The following ZMYM5 variants were observed in gnomAD, a reference collection of about 807,000 sequenced individuals.
The protein encoded by ZMYM5 is zinc finger MYM-type protein 5.
In ZMYM5, 41 loss-of-function variants were observed where a neutral mutation model predicts 61.8. The observed-to-expected ratio is 0.66, with a 90% CI of 0.52 to 0.86. The LOEUF is 0.86. Ranked by LOEUF, ZMYM5 falls within the 40% of genes least tolerant of loss-of-function variation. The pLI is 0.00. For synonymous variants in ZMYM5, 257 were observed against 276.4 expected (o/e 0.93, Z 0.70); for missense variants, 706 against 786.7 (o/e 0.90, Z 1.23).
intron 7 of ZMYM5, among the ~76,000 whole-genome samples, chr13:19,830,382 T>G (rs569761490): frequency 6.6e-6 from 1 of 152,178 alleles, no homozygotes; most frequent in Non-Finnish European, 1.5e-5. Context: ...TTAATTAATT[T>G]ATTATTTTTT....
At chr13:19,856,877 CG>C (rs1953533291) in intron 2 of ZMYM5, among the ~76,000 whole-genome samples, 1 of 151,990 alleles carries the variant, frequency 6.6e-6, no homozygotes, top group Non-Finnish European at 1.5e-5. Context: ...GAGGCAGAGG[CG>C]GGCAGATCAT....
At position 19,852,187 on chromosome 13, in the gene ZMYM5, G is replaced by T; in HGVS notation, c.-7C>A. The T allele has an allele frequency of 6.4e-7, 1 of 1,567,936 alleles. No homozygotes were observed. Among genetic ancestry groups the T allele is most frequent in the Admixed American group, 2.0e-5 (1 of 49,580 alleles). ...CCACTGAACATTTTTCCATGCCAAT[G>T]AACCTGTAGAGACAGAAAAGAAAAA... On this transcript the variant is annotated 5_prime_UTR_variant, in exon 3 of 8. Transcript: ENST00000337963.
In ZMYM5 at chr13:19,825,209, T is replaced by C. The variant is rs564918367; in HGVS notation, c.1278A>G (p.Leu426=). The stretch of plus-strand genomic sequence containing the variant: ...TCCTTTTTCTATTTTCTGATGCTGT[T>C]AATTTTTTTGATTTTGTTTCCATCA... ...KQMMETKSKK[L]TASENRKRNA... The change falls in exon 8 of 8, where the codon TTA becomes TTG. Residue 426 remains leucine (L), a synonymous_variant. Coordinates refer to ENST00000337963, the MANE Select transcript of ZMYM5 (RefSeq NM_001142684.2). The C allele has an allele frequency of 1.2e-4, 151 of 1,266,132 alleles. No individual in the cohort carries two copies. The South Asian group carries it at 1.9e-3, about 16-fold the overall frequency. The allele number at this position is 1,266,132 out of a possible 1,614,324, so 78.4% of individuals were successfully genotyped here. A position where few individuals can be genotyped will look rare whatever the true frequency, so the allele number is the denominator to read the frequency against.
At chr13:19,852,550 C>T (rs1310110091) in intron 2 of ZMYM5, among the ~76,000 whole-genome samples, 1 of 152,142 alleles carries the variant, frequency 6.6e-6, no homozygotes, top group African/African-American at 2.4e-5. Flanking sequence ...TTACCTACTA[C>T]AGCATTTATG....
At chr13:19,859,649 T>C (rs1180429276) in intron 2 of ZMYM5, among the ~76,000 whole-genome samples, 19 of 151,950 alleles carry the variant, frequency 1.3e-4, no homozygotes, top group Admixed American at 1.0e-3. Context: ...CCTCATGATC[T>C]GCCCACCTTG....
At chr13:19,856,037 AAAAC>A (rs1021896775) in intron 2 of ZMYM5, among the ~76,000 whole-genome samples, 5 of 152,002 alleles carry the variant, frequency 3.3e-5, no homozygotes, top group South Asian at 2.1e-4. Context: ...AAAAAAACAA[AAAAC>A]AAACAAACAA....
chr13:19,833,291 A>G (rs1337244872), intron 7 of ZMYM5, among the ~76,000 whole-genome samples: 3 of 152,192 alleles, frequency 2.0e-5, no homozygotes, highest in South Asian at 4.1e-4. Context: ...CCAGTTTTAC[A>G]TTATGATCTA....
chr13:19,848,365 C>A (rs1953160762), intron 4 of ZMYM5, among the ~76,000 whole-genome samples: 4 of 152,074 alleles, frequency 2.6e-5, no homozygotes, highest in African/African-American at 9.7e-5. Context: ...ACTGTAGCCT[C>A]AAACTCCTCG....
chr13:19,861,313 T>C (rs1157518942), intron 2 of ZMYM5, among the ~76,000 whole-genome samples: 1 of 152,108 alleles, frequency 6.6e-6, no homozygotes, highest in Non-Finnish European at 1.5e-5. Flanking sequence ...CATGCTCAGC[T>C]AATTTTTGTA....
chr13:19,837,895 T>A (rs2138523536), intron 5 of ZMYM5, 74 bp from the exon 6 acceptor site: 1 of 1,460,682 alleles, frequency 6.8e-7, no homozygotes, highest in Non-Finnish European at 9.1e-7. Flanking sequence ...TAATAATAAT[T>A]GCCATTTTTC....
intron 4 of ZMYM5, among the ~76,000 whole-genome samples, chr13:19,842,728 G>A (rs1193909098): frequency 6.6e-6 from 1 of 151,226 alleles, no homozygotes; most frequent in Non-Finnish European, 1.5e-5. Flanking sequence ...GGGAGGCCAA[G>A]GCAGGCAGAT....
In ZMYM5 at chr13:19,829,384, C is replaced by T. The variant is rs899868142; in HGVS notation, c.1252-4149G>A. ...TCACTCACTCGCAGCCGTGACCTCC[C>T]AGGCTCAAGTGATCCTCCGAGCTCA... is the stretch of plus-strand genomic sequence containing the variant. On this transcript the variant is annotated intron_variant, in intron 7 of 7. Transcript: ENST00000337963. Among the ~76,000 whole-genome samples the T allele has an allele frequency of 5.3e-5, 8 of 152,204 alleles. No homozygotes were observed. The South Asian group carries it at 8.3e-4, about 16-fold the overall frequency.
intron 2 of ZMYM5, among the ~76,000 whole-genome samples, chr13:19,857,941 G>A (rs1018897800): frequency 4.6e-5 from 7 of 151,880 alleles, no homozygotes; most frequent in Non-Finnish European, 8.8e-5. Context: ...TGAGCCCAGG[G>A]GGTCAAAGTT....
chr13:19,851,610 C>T, intron 3 of ZMYM5, 79 bp downstream of exon 3: 1 of 1,549,408 alleles, frequency 6.5e-7, no homozygotes, highest in Non-Finnish European at 8.7e-7. Context: ...ATACCTGTTT[C>T]TAAGGTTGTA....
In ZMYM5 at chr13:19,837,646, A is replaced by C. The variant is rs1952716530; in HGVS notation, c.1038+10T>G. ...AGCCTAAACAACAACTTAGGTATAA[A>C]AATCCAGACCTCTGCTAATTTACTA... On this transcript the variant is annotated intron_variant, in intron 6 of 7. Coordinates refer to ENST00000337963, the MANE Select transcript of ZMYM5 (RefSeq NM_001142684.2). 6.3e-7 allele frequency: 1 copy of C among 1,596,106 alleles called. No homozygotes were observed. The highest frequency in any genetic ancestry group is 8.5e-7 in the Non-Finnish European group (1 of 1,176,148).
At chr13:19,834,846 G>C (rs1368346567) in intron 7 of ZMYM5, among the ~76,000 whole-genome samples, 1 of 151,918 alleles carries the variant, frequency 6.6e-6, no homozygotes, top group Non-Finnish European at 1.5e-5. Flanking sequence ...ACACCAACTC[G>C]CCTGGCTAAT....
chr13:19,862,891 G>C (rs910106977), intron 1 of ZMYM5, among the ~76,000 whole-genome samples: 3 of 152,222 alleles, frequency 2.0e-5, no homozygotes, highest in African/African-American at 7.2e-5. Flanking sequence ...GTTGCCCTGG[G>C]GCCCCAGCAG....
intron 2 of ZMYM5, among the ~76,000 whole-genome samples, chr13:19,852,866 G>T (rs1245112765): frequency 6.6e-6 from 1 of 152,162 alleles, no homozygotes; most frequent in Non-Finnish European, 1.5e-5. Flanking sequence ...GTTTTCTTTT[G>T]AGAGAGGGTC....
At chr13:19,833,927 C>G (rs1420173005) in intron 7 of ZMYM5, among the ~76,000 whole-genome samples, 1 of 152,150 alleles carries the variant, frequency 6.6e-6, no homozygotes, top group Non-Finnish European at 1.5e-5. Flanking sequence ...ACTGCTTGAA[C>G]CCAGGAGTTC....
Sources: gnomAD v4.1 joint callset for allele counts (sites outside exome capture counted in the v4.1 genomes callset) on GRCh38, gnomAD v4.1.1 for gene constraint, MANE v1.5 for transcripts, NCBI Gene and HGNC (gene_info 2026-07-23, HGNC 2026-07-21) for gene names.